MAP3K15: variants seen among roughly 807,000 people sequenced by gnomAD.
MAP3K15 encodes the protein MAPK/ERK kinase kinase 15.
A neutral mutation model predicts 99.5 loss-of-function variants in MAP3K15; 124 were observed. That is an observed-to-expected ratio of 1.25 (90% confidence interval 1.08 to 1.45). The LOEUF (loss-of-function observed/expected upper bound fraction) is 1.45. MAP3K15 is among the 40% of genes most tolerant of loss of function. The pLI, the probability that MAP3K15 is intolerant of heterozygous loss-of-function variation, is 0.00. For missense variants in MAP3K15, 1,242 were observed against 1,079.7 expected (o/e 1.15, Z -2.11); for synonymous variants, 494 against 439.6 (o/e 1.12, Z -1.55).
chrX:19,415,101 T>C lies in MAP3K15; in HGVS notation c.1590+6A>G. The C allele has an allele frequency of 8.7e-7, 1 of 1,145,123 alleles. No individual in the cohort carries two copies. Among genetic ancestry groups the C allele is most frequent in the Non-Finnish European group, 1.2e-6 (1 of 869,426 alleles). 94.4% of individuals were successfully genotyped at this position (1,145,123 alleles called of 1,213,427 possible). ...CTTAAAAAAAAATGGATTTAGCATA[T>C]CTTACTGGAAATCTGAGTCCATTAG... is the stretch of plus-strand genomic sequence containing the variant. On this transcript the variant is annotated splice_donor_region_variant and intron_variant, in intron 10 of 28. Coordinates refer to ENST00000338883, the MANE Select transcript of MAP3K15 (RefSeq NM_001001671.4).
intron 21 of MAP3K15, chrX:19,373,146 A>G: frequency 5.6e-6 from 1 of 178,849 alleles, no homozygotes; most frequent in South Asian, 1.4e-4. Flanking sequence ...AAGGAGGAAG[A>G]GAGAGGAAGG....
intron 5 of MAP3K15, among the ~76,000 whole-genome samples, chrX:19,458,092 G>A: frequency 8.9e-6 from 1 of 112,275 alleles, no homozygotes; most frequent in Non-Finnish European, 1.9e-5. Context: ...TGGCCAACTT[G>A]CTGACAGCCA....
chrX:19,482,636 GGGA>G (rs1354083341), intron 3 of MAP3K15, among the ~76,000 whole-genome samples: 3 of 111,908 alleles, frequency 2.7e-5, no homozygotes, highest in African/African-American at 3.3e-5. Flanking sequence ...TTTGGGGTCA[GGGA>G]AATGCTCTAA....
chrX:19,420,405 A>C (rs2147291624), intron 9 of MAP3K15, among the ~76,000 whole-genome samples: 1 of 111,799 alleles, frequency 8.9e-6, no homozygotes, highest in South Asian at 3.7e-4. Flanking sequence ...AATACTACAA[A>C]CACCTCTACG....
chrX:19,483,465 C>T (rs762589860), intron 3 of MAP3K15, among the ~76,000 whole-genome samples: 5 of 111,239 alleles, frequency 4.5e-5, no homozygotes, highest in Non-Finnish European at 9.4e-5. Context: ...TCTTGGTTTT[C>T]ACATATTCAG....
intron 18 of MAP3K15, among the ~76,000 whole-genome samples, chrX:19,388,086 G>A (rs1173969187): frequency 8.9e-6 from 1 of 112,743 alleles, no homozygotes; most frequent in Non-Finnish European, 1.9e-5. Context: ...ACCACAGGTC[G>A]CTGCCTGCAG....
chrX:19,416,327 T>C (rs891451485), intron 9 of MAP3K15, among the ~76,000 whole-genome samples: 3 of 109,116 alleles, frequency 2.7e-5, no homozygotes, highest in African/African-American at 6.8e-5. Flanking sequence ...CGAGACTCTG[T>C]CTCAAAAACA....
At chrX:19,453,526 G>T (rs1216921061) in intron 6 of MAP3K15, among the ~76,000 whole-genome samples, 2 of 109,095 alleles carry the variant, frequency 1.8e-5, no homozygotes, top group East Asian at 5.8e-4. Flanking sequence ...AGTAGTATAT[G>T]CAGTGTGCTG....
intron 24 of MAP3K15, 78 bp downstream of exon 24, chrX:19,370,881 A>C: frequency 1.3e-6 from 1 of 769,216 alleles, no homozygotes; most frequent in Non-Finnish European, 2.0e-6. Context: ...AGAGAAAAGC[A>C]ACAACTGTTG....
chrX:19,463,835 C>T (rs1464837287), intron 4 of MAP3K15, among the ~76,000 whole-genome samples: 3 of 110,398 alleles, frequency 2.7e-5, no homozygotes, highest in Admixed American at 9.7e-5. Context: ...CCAACAGCCA[C>T]GCGAGTGTAA....
Position 19,361,546 on chromosome X carries a change from CTT to C in MAP3K15, c.3725_3726del (p.Lys1242ArgfsTer12), listed in dbSNP as rs1569196783. ...PAGPYGQRTDKELIDWLRLQG... is the reference protein window; with the variant it reads ...PAGPYGQRTDXELIDWLRLQG... ...TGCAGCCGCAACCAGTCTATAAGCT[CTT>C]TATCTGTTCTCTGCCCGTAGGGGCC... is the stretch of plus-strand genomic sequence containing the variant. On this transcript the variant is annotated frameshift_variant, in exon 27 of 29. Transcript: ENST00000338883. LOFTEE classifies it high-confidence loss of function. 8.3e-7 allele frequency: 1 copy of C among 1,211,754 alleles called. No individual in the cohort carries two copies. The highest frequency in any genetic ancestry group is 3.0e-5 in the East Asian group (1 of 33,858).
At chrX:19,371,575 G>A in intron 22 of MAP3K15, 45 bp from the exon 23 acceptor site, 1 of 1,126,649 alleles carries the variant, frequency 8.9e-7, no homozygotes, top group Non-Finnish European at 1.2e-6. Flanking sequence ...GATTGAGAGA[G>A]CGAGAGTTCA....
At chrX:19,390,832 C>T (rs1340529258) in intron 18 of MAP3K15, among the ~76,000 whole-genome samples, 1 of 110,064 alleles carries the variant, frequency 9.1e-6, no homozygotes. Context: ...CTATACCAGG[C>T]CCCAGCTGTT....
chrX:19,403,402 T>C (rs2063623062), intron 13 of MAP3K15, among the ~76,000 whole-genome samples: 1 of 110,411 alleles, frequency 9.1e-6, no homozygotes, highest in African/African-American at 3.3e-5. Flanking sequence ...CAGCATTTTT[T>C]CTACTGTAAA....
At chrX:19,412,474 C>T (rs1280553168) in intron 11 of MAP3K15, among the ~76,000 whole-genome samples, 1 of 110,833 alleles carries the variant, frequency 9.0e-6, no homozygotes, top group Non-Finnish European at 1.9e-5. Flanking sequence ...CTTGGATAAT[C>T]GGAAGAAGGA....
At chrX:19,375,725 G>A (rs990758392) in intron 19 of MAP3K15, among the ~76,000 whole-genome samples, 18 of 112,294 alleles carry the variant, frequency 1.6e-4, no homozygotes, top group Admixed American at 1.1e-3. Flanking sequence ...AATCCCCGCC[G>A]AGTGAGCTCA....
chrX:19,371,651 G>C, intron 22 of MAP3K15, 121 bp from the exon 23 acceptor site: 1 of 652,444 alleles, frequency 1.5e-6, no homozygotes, highest in Non-Finnish European at 2.3e-6. Flanking sequence ...AGGTGAGAAG[G>C]GGTCTCTGTT....
chrX:19,427,827 T>C (rs774995142), intron 7 of MAP3K15, among the ~76,000 whole-genome samples: 6 of 111,350 alleles, frequency 5.4e-5, no homozygotes, highest in Non-Finnish European at 1.1e-4. Flanking sequence ...TCAGTTAAAA[T>C]ATGGCATTAT....
At chrX:19,444,637 C>A (rs891136768) in intron 6 of MAP3K15, among the ~76,000 whole-genome samples, 1 of 111,910 alleles carries the variant, frequency 8.9e-6, no homozygotes, top group Non-Finnish European at 1.9e-5. Context: ...TTAGATCATT[C>A]CTGGCATCTT....
Sources: gnomAD v4.1 joint callset for allele counts (sites outside exome capture counted in the v4.1 genomes callset) on GRCh38, gnomAD v4.1.1 for gene constraint, MANE v1.5 for transcripts, NCBI Gene and HGNC (gene_info 2026-07-23, HGNC 2026-07-21) for gene names.